Variants in GNG7 observed in about 807,000 individuals in gnomAD.
The protein encoded by GNG7 is guanine nucleotide-binding protein G(I)/G(S)/G(O) subunit gamma-7.
Under a neutral mutation model 4.0 loss-of-function variants are expected in GNG7, and 1 was observed. The observed-to-expected ratio is 0.25, with a 90% CI of 0.09 to 1.18. GNG7 has a LOEUF of 1.18. GNG7 is among the 50% of genes most tolerant of loss of function. The pLI is 0.50. For synonymous variants in GNG7, 34 were observed against 36.9 expected (o/e 0.92, Z 0.29); for missense variants, 86 against 91.9 (o/e 0.94, Z 0.26).
At chr19:2,592,628 T>C (rs1471010727) in intron 2 of GNG7, among the ~76,000 whole-genome samples, 1 of 151,576 alleles carries the variant, frequency 6.6e-6, no homozygotes, top group South Asian at 2.1e-4. Flanking sequence ...TCCCAGCTAC[T>C]CAGGACGTTG....
chr19:2,640,704 G>A, intron 2 of GNG7, among the ~76,000 whole-genome samples: 1 of 151,856 alleles, frequency 6.6e-6, no homozygotes, highest in East Asian at 1.9e-4. Flanking sequence ...TCGGCTCACT[G>A]CACCACTCGA....
Position 2,546,732 on chromosome 19 carries a change from G to A in GNG7, c.-38+8417C>T, listed in dbSNP as rs1979139899. ...AGAGGGTGACGCGCCGCCAGTGTGG[G>A]TTTGGTCGCCGCGGTGACGGGAGCA... On this transcript the variant is annotated intron_variant, in intron 3 of 4. Coordinates refer to ENST00000382159, the MANE Select transcript of GNG7 (RefSeq NM_052847.3). The surrounding 1 kb of genome is among the most constrained non-coding windows in gnomAD (Gnocchi z 6.3). Among the ~76,000 whole-genome samples the A allele has an allele frequency of 6.6e-6, 1 of 152,188 alleles. No homozygotes were observed. Among genetic ancestry groups the A allele is most frequent in the Admixed American group, 6.6e-5 (1 of 15,266 alleles).
rs1972680855 is a variant in GNG7 at position 2,513,247 on chromosome 19, G to A, written c.*1775C>T. On this transcript the variant is annotated 3_prime_UTR_variant, in exon 5 of 5. Transcript: ENST00000382159. ...TCACGGGCCTGCACGGAGGACCTGG[G>A]CGGCCGTCCAGGAACCCTCTCGGCA... 3.2e-6 allele frequency: 2 copies of A among 618,930 alleles called. No individual in the cohort carries two copies. The highest frequency in any genetic ancestry group is 6.3e-5 in the Admixed American group (1 of 15,818). 38.3% of individuals were successfully genotyped at this position (618,930 alleles called of 1,614,324 possible).
intron 2 of GNG7, among the ~76,000 whole-genome samples, chr19:2,606,947 A>C (rs1419865661): frequency 6.6e-6 from 1 of 151,134 alleles, no homozygotes; most frequent in African/African-American, 2.4e-5. Context: ...AGGGCCGGGC[A>C]CCGTGGCTCA....
intron 2 of GNG7, among the ~76,000 whole-genome samples, chr19:2,576,329 T>C (rs1980339121): frequency 6.6e-6 from 1 of 152,186 alleles, no homozygotes; most frequent in South Asian, 2.1e-4. Context: ...GACCCAGGCC[T>C]GCACACGGTG....
At chr19:2,598,551 G>A (rs2144809482) in intron 2 of GNG7, among the ~76,000 whole-genome samples, 1 of 151,890 alleles carries the variant, frequency 6.6e-6, no homozygotes, top group South Asian at 2.1e-4. Context: ...CAGCTACTCG[G>A]GAGGCTGAGG....
At chr19:2,588,245 G>T (rs781491131) in intron 2 of GNG7, among the ~76,000 whole-genome samples, 4 of 152,126 alleles carry the variant, frequency 2.6e-5, no homozygotes, top group Non-Finnish European at 5.9e-5. Flanking sequence ...AGGGTGGCCG[G>T]GGACTGGTGA....
chr19:2,684,997 G>A (rs937921666), intron 1 of GNG7, among the ~76,000 whole-genome samples: 1 of 152,128 alleles, frequency 6.6e-6, no homozygotes, highest in African/African-American at 2.4e-5. Context: ...GGCGGCACAC[G>A]CCTGTAATCC....
At chr19:2,608,051 GAAA>G (rs56935207) in intron 2 of GNG7, among the ~76,000 whole-genome samples, 7 of 99,108 alleles carry the variant, frequency 7.1e-5, no homozygotes, top group African/African-American at 2.5e-4. Flanking sequence ...TGGTATTTGA[GAAA>G]AAAAAAAAAA....
At chr19:2,571,983 C>A (rs1980162709) in intron 2 of GNG7, among the ~76,000 whole-genome samples, 1 of 152,000 alleles carries the variant, frequency 6.6e-6, no homozygotes, top group Admixed American at 6.6e-5. Flanking sequence ...TTTGACAATG[C>A]CACATTGTCC....
At chr19:2,540,937 G>A (rs8104512) in intron 3 of GNG7, among the ~76,000 whole-genome samples, 2,906 of 152,304 alleles carry the variant, frequency 0.019, 98 homozygotes, top group African/African-American at 0.067. Flanking sequence ...AGGAGCCGCC[G>A]CCGCCAGGGC....
chr19:2,536,850 G>A (rs550630690), intron 3 of GNG7, among the ~76,000 whole-genome samples: 5 of 152,144 alleles, frequency 3.3e-5, no homozygotes, highest in Admixed American at 3.3e-4. Flanking sequence ...TTGGCCTTGG[G>A]GTACAGTCTG....
At chr19:2,554,007 A>G (rs1979468077) in intron 3 of GNG7, among the ~76,000 whole-genome samples, 1 of 146,938 alleles carries the variant, frequency 6.8e-6, no homozygotes, top group African/African-American at 2.5e-5. Flanking sequence ...ACATATGTAT[A>G]TATTATATGT....
chr19:2,658,705 T>C (rs553587155), intron 1 of GNG7, among the ~76,000 whole-genome samples: 45 of 152,328 alleles, frequency 3.0e-4, no homozygotes, highest in African/African-American at 9.1e-4. Flanking sequence ...AGGAGGTCCC[T>C]AGAGAGTGAG....
rs112023469 is a variant in GNG7, at chr19:2,580,771, A to AT, written c.-77-25584dup. ...GCCACCAAGCCCAGTTAATTTTTACATTTTTTTTTTTGAGACAGAGTCTTA... is the reference window on the plus strand; with the variant it reads ...GCCACCAAGCCCAGTTAATTTTTACATTTTTTTTTTTTGAGACAGAGTCTTA... On this transcript the variant is annotated intron_variant, in intron 2 of 4. Coordinates refer to ENST00000382159, the MANE Select transcript of GNG7 (RefSeq NM_052847.3). Among the ~76,000 whole-genome samples, 627 of 132,528 alleles carry AT rather than the reference A, an allele frequency of 4.7e-3. 3 individuals are homozygous for AT. The highest frequency in any genetic ancestry group is 0.016 in the African/African-American group (557 of 35,758). 86.9% of individuals were successfully genotyped at this position (132,528 alleles called of 152,430 possible).
chr19:2,672,152 C>T (rs1983471836), intron 1 of GNG7, among the ~76,000 whole-genome samples: 1 of 151,720 alleles, frequency 6.6e-6, no homozygotes. Flanking sequence ...ATTCTCCTGC[C>T]TCAGCCTCCC....
intron 1 of GNG7, among the ~76,000 whole-genome samples, chr19:2,670,089 C>T (rs1300593165): frequency 1.3e-5 from 2 of 151,930 alleles, no homozygotes; most frequent in Non-Finnish European, 2.9e-5. Context: ...TACATCATTA[C>T]TTCAAGGCCT....
chr19:2,614,834 C>T lies in GNG7; in HGVS notation c.-78+31390G>A, dbSNP rs917288840. ...GAATTGCTGGGTCATGTGGCGACTC[C>T]GCGTTCAGCCTTTTGAGGAACCACC... On this transcript the variant is annotated intron_variant, in intron 2 of 4. Transcript: ENST00000382159. The surrounding 1 kb of genome is among the most constrained non-coding windows in gnomAD (Gnocchi z 6.0). Among the ~76,000 whole-genome samples the T allele has an allele frequency of 5.3e-5, 8 of 152,202 alleles. No individual in the cohort carries two copies. The highest frequency in any genetic ancestry group is 9.7e-5 in the African/African-American group (4 of 41,432).
At chr19:2,620,745 G>A (rs539028296) in intron 2 of GNG7, among the ~76,000 whole-genome samples, 1 of 152,202 alleles carries the variant, frequency 6.6e-6, no homozygotes, top group South Asian at 2.1e-4. Flanking sequence ...GGAGGTTGAG[G>A]CAGGAGAATT....
Sources: gnomAD v4.1 joint callset for allele counts (sites outside exome capture counted in the v4.1 genomes callset) on GRCh38, gnomAD v4.1.1 for gene constraint, Gnocchi (gnomAD v3.1) non-coding constraint, MANE v1.5 for transcripts, NCBI Gene and HGNC (gene_info 2026-07-23, HGNC 2026-07-21) for gene names.